SHB: variants seen among roughly 807,000 people sequenced by gnomAD.
SHB encodes the protein SH2 domain containing adaptor protein B.
In SHB, 20 loss-of-function variants were observed where a neutral mutation model predicts 52.3. The observed-to-expected ratio is 0.38, with a 90% CI of 0.27 to 0.56. SHB has a LOEUF of 0.56. SHB is among the 20% of genes least tolerant of loss of function. The probability of loss-of-function intolerance (pLI) is 0.71; values close to 1 mark genes in which losing one functional copy is unlikely to be tolerated. For synonymous variants in SHB, 397 were observed against 316.5 expected (o/e 1.25, Z -2.70); for missense variants, 825 against 723.3 (o/e 1.14, Z -1.61).
intron 1 of SHB, among the ~76,000 whole-genome samples, chr9:38,029,196 G>T (rs1821383817): frequency 6.6e-6 from 1 of 152,228 alleles, no homozygotes; most frequent in African/African-American, 2.4e-5. Context: ...CCCAGCCCCA[G>T]CCTGGCATAA....
chr9:37,983,401 G>T (rs1820763044), intron 2 of SHB, among the ~76,000 whole-genome samples: 1 of 152,192 alleles, frequency 6.6e-6, no homozygotes, highest in Non-Finnish European at 1.5e-5. Flanking sequence ...GGAGGCAGAT[G>T]GAAGTGGGTT....
At chr9:37,945,554 C>T (rs147067746) in intron 5 of SHB, among the ~76,000 whole-genome samples, 230 of 152,342 alleles carry the variant, frequency 1.5e-3, no homozygotes, top group African/African-American at 5.4e-3. Context: ...AGAACAACCC[C>T]GGCCTTTGGA....
intron 2 of SHB, among the ~76,000 whole-genome samples, chr9:37,992,769 G>A (rs1319813020): frequency 6.6e-6 from 1 of 152,192 alleles, no homozygotes; most frequent in African/African-American, 2.4e-5. Context: ...CAGGACCACA[G>A]GCAAGTGCTC....
intron 5 of SHB, among the ~76,000 whole-genome samples, chr9:37,927,660 A>G (rs1269947017): frequency 6.6e-6 from 1 of 152,226 alleles, no homozygotes; most frequent in Non-Finnish European, 1.5e-5. Context: ...AAACCAACAC[A>G]TTATTAGACA....
chr9:38,032,029 TG>T (rs1821422280), intron 1 of SHB, among the ~76,000 whole-genome samples: 1 of 152,064 alleles, frequency 6.6e-6, no homozygotes, highest in Non-Finnish European at 1.5e-5. Context: ...GCAGGACTCA[TG>T]GGGGCTGAGT....
In SHB at chr9:38,026,772, T is replaced by C. The variant is rs559366077; in HGVS notation, c.718-10641A>G. Among the ~76,000 whole-genome samples the C allele has an allele frequency of 9.9e-4, 151 of 152,352 alleles. 1 individual carries two copies. Among genetic ancestry groups the C allele is most frequent in the African/African-American group, 3.4e-3 (140 of 41,586 alleles). On this transcript the variant is annotated intron_variant, in intron 1 of 5. Transcript: ENST00000377707. ...CTCACATGTACTCGGCGCTTTCTAA[T>C]GTACAGGAAACTTAGGGTGGCTAGG...
intron 2 of SHB, among the ~76,000 whole-genome samples, chr9:37,981,729 T>C (rs191734629): frequency 2.6e-4 from 39 of 152,272 alleles, no homozygotes; most frequent in Non-Finnish European, 1.5e-4. Context: ...CCTTTGAACA[T>C]GTAGAGGCCA....
intron 3 of SHB, among the ~76,000 whole-genome samples, chr9:37,969,756 G>A (rs188749018): frequency 1.3e-5 from 2 of 152,300 alleles, no homozygotes; most frequent in African/African-American, 4.8e-5. Flanking sequence ...ACACAGCCTG[G>A]CAACCAGGTA....
chr9:37,970,185 G>A (rs1262811897), intron 3 of SHB, among the ~76,000 whole-genome samples: 6 of 152,222 alleles, frequency 3.9e-5, no homozygotes. Context: ...TGGGGGTCTG[G>A]TGAGGCCACA....
At chr9:37,934,256 A>G (rs919060801) in intron 5 of SHB, among the ~76,000 whole-genome samples, 4 of 151,816 alleles carry the variant, frequency 2.6e-5, no homozygotes, top group African/African-American at 9.7e-5. Context: ...GTATAGTAAC[A>G]CTCATCTCTT....
At chr9:37,967,340 C>T (rs1820538802) in intron 3 of SHB, among the ~76,000 whole-genome samples, 1 of 152,206 alleles carries the variant, frequency 6.6e-6, no homozygotes. Context: ...TGGGGCCTTA[C>T]TTTCCCTTTT....
chr9:37,920,217 A>C (rs941060774), intron 5 of SHB, among the ~76,000 whole-genome samples: 1 of 152,094 alleles, frequency 6.6e-6, no homozygotes, highest in Non-Finnish European at 1.5e-5. Flanking sequence ...AACCAGCAGC[A>C]GCCGCCACTG....
intron 2 of SHB, among the ~76,000 whole-genome samples, chr9:37,998,754 C>T (rs756849596): frequency 1.2e-3 from 178 of 152,186 alleles, no homozygotes; most frequent in Non-Finnish European, 2.1e-3. Flanking sequence ...TGCCTGTCCT[C>T]GAAATCCTAT....
intron 1 of SHB, among the ~76,000 whole-genome samples, chr9:38,046,368 T>A (rs77851420): frequency 0.049 from 7,465 of 152,256 alleles, 263 homozygotes; most frequent in East Asian, 0.16. Context: ...TATTTGGCCC[T>A]TTACAGAAAA....
intron 3 of SHB, among the ~76,000 whole-genome samples, chr9:37,971,160 C>T (rs1184663390): frequency 2.0e-5 from 3 of 152,196 alleles, no homozygotes; most frequent in Non-Finnish European, 4.4e-5. Flanking sequence ...GCCTTACTCA[C>T]TGACCACACC....
chr9:37,976,759 T>C (rs758227270), intron 2 of SHB, among the ~76,000 whole-genome samples: 4 of 152,190 alleles, frequency 2.6e-5, no homozygotes, highest in Admixed American at 1.3e-4. Flanking sequence ...AAGTGAGCTA[T>C]TTCAATGCTC....
chr9:38,015,319 A>G, intron 2 of SHB: 1 of 662,254 alleles, frequency 1.5e-6, no homozygotes, highest in Non-Finnish European at 2.7e-6. Flanking sequence ...CTTCTTAAAG[A>G]TGCTCCAAGT....
intron 1 of SHB, among the ~76,000 whole-genome samples, chr9:38,045,196 AC>A (rs2118150853): frequency 6.6e-6 from 1 of 152,340 alleles, no homozygotes; most frequent in Non-Finnish European, 1.5e-5. Context: ...CTAAATGATG[AC>A]ACGTCCAGAC....
rs560884155 is a variant in SHB, at chr9:38,063,601, C to T, written c.717+4328G>A. Among the ~76,000 whole-genome samples the T allele has an allele frequency of 1.6e-3, 241 of 152,366 alleles. 1 individual carries two copies. Among genetic ancestry groups the T allele is most frequent in the African/African-American group, 5.6e-3 (231 of 41,604 alleles). On this transcript the variant is annotated intron_variant, in intron 1 of 5. Transcript: ENST00000377707. ...CCCAGCCAAGTTCAGGCCCTCCCAA[C>T]CCTGTGCACACACTTCTGGCATTCC...
Sources: gnomAD v4.1 joint callset for allele counts (sites outside exome capture counted in the v4.1 genomes callset) on GRCh38, gnomAD v4.1.1 for gene constraint, MANE v1.5 for transcripts, NCBI Gene and HGNC (gene_info 2026-07-23, HGNC 2026-07-21) for gene names.